DYRK1A: variants seen among roughly 807,000 people sequenced by gnomAD.
The protein encoded by DYRK1A is dual specificity tyrosine-phosphorylation-regulated kinase 1A.
DYRK1A carries 9 observed loss-of-function variants against 79.7 expected under a neutral mutation model. The observed-to-expected ratio is 0.11, with a 90% confidence interval of 0.07 to 0.20. The LOEUF (loss-of-function observed/expected upper bound fraction) is 0.20. DYRK1A is among the 10% of genes least tolerant of loss of function. The pLI, the probability that DYRK1A is intolerant of heterozygous loss-of-function variation, is 1.00. For missense variants in DYRK1A, 622 were observed against 956.0 expected (o/e 0.65, Z 4.61); for synonymous variants, 349 against 329.7 (o/e 1.06, Z -0.63).
chr21:37,505,741 C>T (rs2053576932), intron 10 of DYRK1A, 152 bp downstream of exon 10: 1 of 887,894 alleles, frequency 1.1e-6, no homozygotes, highest in Admixed American at 3.3e-5. Context: ...GTAAATTCAT[C>T]TCCCCCAAAG....
chr21:37,506,262 C>T, intron 11 of DYRK1A, 39 bp downstream of exon 11: 2 of 1,613,834 alleles, frequency 1.2e-6, no homozygotes, highest in Non-Finnish European at 1.7e-6. Flanking sequence ...TGTCACCTGC[C>T]ATTCTCAGGT....
intron 2 of DYRK1A, among the ~76,000 whole-genome samples, chr21:37,451,349 C>T (rs1001550958): frequency 1.9e-4 from 25 of 128,278 alleles, no homozygotes; most frequent in Non-Finnish European, 3.9e-4. Context: ...TCTTCCTCTC[C>T]GTCCCTCCAT....
chr21:37,486,465 A>G lies in DYRK1A; in HGVS notation c.490-2A>G. 1 of 1,481,282 alleles carries G rather than the reference A, an allele frequency of 6.8e-7. No homozygotes were observed. Among genetic ancestry groups the G allele is most frequent in the South Asian group, 1.4e-5 (1 of 69,744 alleles). The allele number at this position is 1,481,282 out of a possible 1,614,324, so 91.8% of individuals were successfully genotyped here. A position where few individuals can be genotyped will look rare whatever the true frequency, so the allele number is the denominator to read the frequency against. ...TAGAGAATTATTCATCTTCTCTTTT[A>G]GGTTGTAAAGGCATATGATCGTGTG... On this transcript the variant is annotated splice_acceptor_variant, in intron 5 of 11. Coordinates refer to ENST00000647188, the MANE Select transcript of DYRK1A (RefSeq NM_001347721.2). LOFTEE classifies it high-confidence loss of function.
intron 7 of DYRK1A, among the ~76,000 whole-genome samples, chr21:37,491,388 TA>T (rs921089721): frequency 6.6e-6 from 1 of 152,204 alleles, no homozygotes; most frequent in African/African-American, 2.4e-5. Flanking sequence ...ATTGAAACTA[TA>T]TTTCTTCTGT....
At chr21:37,420,718 A>G (rs1045376827) in intron 2 of DYRK1A, among the ~76,000 whole-genome samples, 1 of 152,158 alleles carries the variant, frequency 6.6e-6, no homozygotes, top group Non-Finnish European at 1.5e-5. Context: ...CCAGAACTCT[A>G]TTAGAATATG....
rs751149946 is a variant in DYRK1A at position 37,512,574 on chromosome 21, AGTGGTGTTTTTTTTCC to A, written c.*44_*59del. ...TTTGTTTCTTGTGTGTTTTTATAGA[AGTGGTGTTTTTTTTCC>A]AAAAACAAAGTGCAAAGCTGCTTGA... is the stretch of plus-strand genomic sequence containing the variant. On this transcript the variant is annotated 3_prime_UTR_variant, in exon 12 of 12. Transcript: ENST00000647188. 1 of 1,584,758 alleles carries A rather than the reference AGTGGTGTTTTTTTTCC, an allele frequency of 6.3e-7. No homozygotes were observed. Among genetic ancestry groups the A allele is most frequent in the Non-Finnish European group, 8.6e-7 (1 of 1,163,926 alleles).
In DYRK1A at chr21:37,466,249, T is replaced by C. The variant is rs562408918; in HGVS notation, c.11-6435T>C. Among the ~76,000 whole-genome samples, 19 of 152,306 alleles carry C rather than the reference T, an allele frequency of 1.2e-4. No homozygotes were observed. The South Asian group carries it at 3.9e-3, about 32-fold the overall frequency. On this transcript the variant is annotated intron_variant, in intron 2 of 11. Transcript: ENST00000647188. ...TGTGAATACAGTAGATATACACACA[T>C]ATGTGTATGGATGAGAGAGCAACAG...
rs374304464 is a variant in DYRK1A, at chr21:37,432,930, C to G, written c.10+12546C>G. ...GGCGGAAGTTGCAGTGAGCCGAGATCGCGCCATTGCACTCCAGCCTGGGCA... is the reference window on the plus strand; with the variant it reads ...GGCGGAAGTTGCAGTGAGCCGAGATGGCGCCATTGCACTCCAGCCTGGGCA... On this transcript the variant is annotated intron_variant, in intron 2 of 11. Coordinates refer to ENST00000647188, the MANE Select transcript of DYRK1A (RefSeq NM_001347721.2). Among the ~76,000 whole-genome samples the G allele has an allele frequency of 3.7e-4, 55 of 148,948 alleles. No individual in the cohort carries two copies. In the East Asian group the frequency reaches 0.01, roughly 27 times the overall value.
At position 37,512,642 on chromosome 21, in the gene DYRK1A, C is replaced by T. The variant is rs2053788532; in HGVS notation, c.*111C>T. ...TCAGGAGGAGATTAACACACTGAACCGCTACAAGAGGGCAAAGCTGATTTT... is the reference window on the plus strand; with the variant it reads ...TCAGGAGGAGATTAACACACTGAACTGCTACAAGAGGGCAAAGCTGATTTT... On this transcript the variant is annotated 3_prime_UTR_variant, in exon 12 of 12. Coordinates refer to ENST00000647188, the MANE Select transcript of DYRK1A (RefSeq NM_001347721.2). 12 of 1,310,938 alleles carry T rather than the reference C, an allele frequency of 9.2e-6. No individual in the cohort carries two copies. Among genetic ancestry groups the T allele is most frequent in the African/African-American group, 3.0e-5 (2 of 67,334 alleles). The allele number at this position is 1,310,938 out of a possible 1,614,324, so 81.2% of individuals were successfully genotyped here.
intron 2 of DYRK1A, among the ~76,000 whole-genome samples, chr21:37,469,032 G>A (rs2052131435): frequency 6.6e-6 from 1 of 152,190 alleles, no homozygotes; most frequent in African/African-American, 2.4e-5. Flanking sequence ...ATTTCACGAT[G>A]TGATGTATAA....
chr21:37,453,667 A>C (rs1309871504), intron 2 of DYRK1A, among the ~76,000 whole-genome samples: 1 of 151,746 alleles, frequency 6.6e-6, no homozygotes, highest in Admixed American at 6.6e-5. Context: ...AAGAGACTTA[A>C]CTCCAGTTTG....
At chr21:37,506,273 G>A (rs2053595809) in intron 11 of DYRK1A, 50 bp downstream of exon 11, 1 of 1,613,688 alleles carries the variant, frequency 6.2e-7, no homozygotes, top group African/African-American at 1.3e-5. Flanking sequence ...ATTCTCAGGT[G>A]GAGCAGCACT....
Position 37,381,938 on chromosome 21 carries a change from A to G in DYRK1A, c.-77+14310A>G, listed in dbSNP as rs184781277. ...TGAGGAAAAGTTTGTAGTATGGACA[A>G]GTTTTCAAAAGAATGAGTCGTGTAG... On this transcript the variant is annotated intron_variant, in intron 1 of 11. Coordinates refer to ENST00000647188, the MANE Select transcript of DYRK1A (RefSeq NM_001347721.2). Among the ~76,000 whole-genome samples the G allele has an allele frequency of 9.8e-4, 149 of 152,344 alleles. 1 individual carries two copies. Among genetic ancestry groups the G allele is most frequent in the African/African-American group, 3.2e-3 (135 of 41,584 alleles).
chr21:37,430,884 C>A (rs909158271), intron 2 of DYRK1A, among the ~76,000 whole-genome samples: 5 of 152,138 alleles, frequency 3.3e-5, no homozygotes, highest in African/African-American at 4.8e-5. Context: ...GCTGATCATG[C>A]GGCAGATAGT....
intron 1 of DYRK1A, among the ~76,000 whole-genome samples, chr21:37,388,059 C>G (rs1200271950): frequency 1.3e-5 from 2 of 149,910 alleles, no homozygotes; most frequent in Admixed American, 1.3e-4. Flanking sequence ...TCATGACCTC[C>G]TTATAAATTT....
intron 1 of DYRK1A, among the ~76,000 whole-genome samples, chr21:37,399,454 G>A (rs1189787133): frequency 1.3e-5 from 2 of 151,964 alleles, no homozygotes; most frequent in African/African-American, 4.8e-5. Context: ...TGTGGTAGGG[G>A]ACCTTTACAG....
chr21:37,476,225 G>T (rs566505359), intron 3 of DYRK1A, among the ~76,000 whole-genome samples: 1 of 152,190 alleles, frequency 6.6e-6, no homozygotes, highest in Non-Finnish European at 1.5e-5. Flanking sequence ...GTTCTTTAAC[G>T]TTGGAGACTC....
chr21:37,439,330 TATATGGAAC>T (rs2051020168), intron 2 of DYRK1A, among the ~76,000 whole-genome samples: 1 of 152,240 alleles, frequency 6.6e-6, no homozygotes, highest in Non-Finnish European at 1.5e-5. Flanking sequence ...ATGTGGAATA[TATATGGAAC>T]ATAGACTACA....
At chr21:37,450,785 AT>A (rs1374971997) in intron 2 of DYRK1A, among the ~76,000 whole-genome samples, 1 of 152,160 alleles carries the variant, frequency 6.6e-6, no homozygotes, top group Admixed American at 6.5e-5. Context: ...TGTTATGAGA[AT>A]ACAAAAATAA....
Sources: allele counts gnomAD v4.1 joint callset (sites outside exome capture counted in the v4.1 genomes callset), GRCh38; gene constraint gnomAD v4.1.1; transcripts MANE v1.5; gene names NCBI Gene and HGNC (gene_info 2026-07-23, HGNC 2026-07-21).